Variants in SLC1A1 observed in about 807,000 individuals in gnomAD.
SLC1A1 encodes the protein excitatory amino acid transporter 3.
In SLC1A1, 43 loss-of-function variants were observed where a neutral mutation model predicts 53.3. The ratio of observed to expected loss-of-function variants is 0.81; its 90% CI spans 0.63 to 1.04. The LOEUF is 1.04. Ranked by LOEUF, SLC1A1 falls within the 50% of genes least tolerant of loss-of-function variation. The pLI is 0.00. For missense variants in SLC1A1, 748 were observed against 664.9 expected (o/e 1.12, Z -1.37); for synonymous variants, 307 against 243.2 (o/e 1.26, Z -2.44).
intron 3 of SLC1A1, among the ~76,000 whole-genome samples, chr9:4,562,591 A>C (rs557395289): frequency 6.6e-6 from 1 of 152,270 alleles, no homozygotes; most frequent in South Asian, 2.1e-4. Flanking sequence ...TTTTTGAAGA[A>C]TGCTTGGTCT....
chr9:4,490,898 T>A, intron 1 of SLC1A1, 128 bp downstream of exon 1: 1 of 743,438 alleles, frequency 1.3e-6, no homozygotes, highest in Non-Finnish European at 2.3e-6. Context: ...CCCTCGGCCT[T>A]AGCCTCGGGC....
At position 4,586,861 on chromosome 9, in the gene SLC1A1, G is replaced by A. The variant is rs974508460; in HGVS notation, c.*1303G>A. The A allele has an allele frequency of 5.9e-5, 9 of 152,276 alleles. No individual in the cohort carries two copies. Among genetic ancestry groups the A allele is most frequent in the African/African-American group, 2.2e-4 (9 of 41,436 alleles). 9.4% of individuals were successfully genotyped at this position (152,276 alleles called of 1,614,324 possible). ...TGACTCTTGTCTCCTCCTCCAGGAG[G>A]ACTGTTCTAACTAGTAATCTTGGCC... On this transcript the variant is annotated 3_prime_UTR_variant, in exon 12 of 12. Transcript: ENST00000262352.
At chr9:4,560,659 A>G (rs1348701076) in intron 2 of SLC1A1, among the ~76,000 whole-genome samples, 1 of 152,046 alleles carries the variant, frequency 6.6e-6, no homozygotes, top group Non-Finnish European at 1.5e-5. Context: ...AAAGGCAGAA[A>G]GGAAAACTAT....
intron 1 of SLC1A1, among the ~76,000 whole-genome samples, chr9:4,523,337 T>C (rs915176531): frequency 6.6e-6 from 1 of 150,986 alleles, no homozygotes; most frequent in African/African-American, 2.5e-5. Context: ...TTTCAGAAGA[T>C]ACCAAATGCC....
intron 1 of SLC1A1, among the ~76,000 whole-genome samples, chr9:4,534,790 T>A (rs1816611327): frequency 2.0e-5 from 3 of 152,048 alleles, no homozygotes; most frequent in Non-Finnish European, 4.4e-5. Context: ...CTGATGAACA[T>A]CGATGCAAAA....
intron 1 of SLC1A1, among the ~76,000 whole-genome samples, chr9:4,524,903 C>G (rs1816206141): frequency 6.6e-6 from 1 of 152,032 alleles, no homozygotes; most frequent in Admixed American, 6.6e-5. Flanking sequence ...AAGAATAGCA[C>G]CAAACTATTC....
chr9:4,492,257 A>G (rs113845348), intron 1 of SLC1A1, among the ~76,000 whole-genome samples: 124 of 152,266 alleles, frequency 8.1e-4, no homozygotes, highest in Middle Eastern at 3.4e-3. Context: ...GGCCAAAGAG[A>G]AGAGATGGCC....
At chr9:4,522,524 G>C (rs1816115509) in intron 1 of SLC1A1, among the ~76,000 whole-genome samples, 1 of 152,070 alleles carries the variant, frequency 6.6e-6, no homozygotes, top group African/African-American at 2.4e-5. Context: ...ATTTCACCTG[G>C]TGTACTCTTG....
intron 6 of SLC1A1, among the ~76,000 whole-genome samples, chr9:4,568,371 T>C (rs769531749): frequency 4.6e-4 from 70 of 151,690 alleles, no homozygotes; most frequent in African/African-American, 1.7e-3. Flanking sequence ...TGAGCCATGA[T>C]TGAATCATTG....
chr9:4,543,507 T>C (rs1205434860), intron 1 of SLC1A1, among the ~76,000 whole-genome samples: 1 of 152,220 alleles, frequency 6.6e-6, no homozygotes, highest in Non-Finnish European at 1.5e-5. Context: ...AATTGTGTTA[T>C]CCATACAACT....
intron 1 of SLC1A1, among the ~76,000 whole-genome samples, chr9:4,519,491 T>A (rs1051878948): frequency 6.6e-5 from 10 of 152,234 alleles, no homozygotes; most frequent in African/African-American, 2.4e-4. Flanking sequence ...CTGATCCTGC[T>A]TGGTTTTTAC....
At chr9:4,533,501 C>G (rs1165390993) in intron 1 of SLC1A1, among the ~76,000 whole-genome samples, 7 of 152,126 alleles carry the variant, frequency 4.6e-5, no homozygotes, top group African/African-American at 1.7e-4. Flanking sequence ...ATCAATTCAA[C>G]AAGAAGAGCT....
chr9:4,587,110 G>C lies in SLC1A1; in HGVS notation c.*1552G>C, dbSNP rs1821623225. On this transcript the variant is annotated 3_prime_UTR_variant, in exon 12 of 12. Coordinates refer to ENST00000262352, the MANE Select transcript of SLC1A1 (RefSeq NM_004170.6). The stretch of plus-strand genomic sequence containing the variant: ...CCAAAGATAGCAGAAGAGTAGATAA[G>C]TGCTCAGTATTGACGACCTACATCT... The C allele has an allele frequency of 1.3e-5, 2 of 152,596 alleles. No individual in the cohort carries two copies. Among genetic ancestry groups the C allele is most frequent in the South Asian group, 4.1e-4 (2 of 4,826 alleles). 9.5% of individuals were successfully genotyped at this position (152,596 alleles called of 1,614,324 possible). A position where few individuals can be genotyped will look rare whatever the true frequency, so the allele number is the denominator to read the frequency against.
At chr9:4,544,899 T>A (rs1162178738) in intron 2 of SLC1A1, among the ~76,000 whole-genome samples, 192 bp downstream of exon 2, 2 of 152,062 alleles carry the variant, frequency 1.3e-5, no homozygotes, top group African/African-American at 4.8e-5. Context: ...CTTCACAAGG[T>A]GGCAGGAAGG....
chr9:4,571,357 G>A (rs1482469507), intron 6 of SLC1A1, among the ~76,000 whole-genome samples: 1 of 151,988 alleles, frequency 6.6e-6, no homozygotes, highest in Non-Finnish European at 1.5e-5. Context: ...TGCACCACAT[G>A]TACCCCTGAA....
chr9:4,518,940 C>G (rs1031219313), intron 1 of SLC1A1, among the ~76,000 whole-genome samples: 1 of 152,174 alleles, frequency 6.6e-6, no homozygotes, highest in Non-Finnish European at 1.5e-5. Flanking sequence ...CATCCCAAAG[C>G]TAGAAAATAA....
At chr9:4,515,386 GT>G (rs974237130) in intron 1 of SLC1A1, among the ~76,000 whole-genome samples, 5 of 152,164 alleles carry the variant, frequency 3.3e-5, no homozygotes, top group Non-Finnish European at 7.4e-5. Context: ...AAAGTCTGAG[GT>G]TTTCTGAAGG....
chr9:4,534,478 C>A (rs1212796961), intron 1 of SLC1A1, among the ~76,000 whole-genome samples: 2 of 152,126 alleles, frequency 1.3e-5, no homozygotes, highest in Non-Finnish European at 2.9e-5. Flanking sequence ...TGGATAAATT[C>A]CTGGACACAT....
intron 1 of SLC1A1, among the ~76,000 whole-genome samples, chr9:4,515,717 G>T (rs1224447992): frequency 6.6e-6 from 1 of 152,168 alleles, no homozygotes; most frequent in East Asian, 1.9e-4. Flanking sequence ...ACTTCTCTGG[G>T]ATTCAGTATT....
Sources: gnomAD v4.1 joint callset for allele counts (sites outside exome capture counted in the v4.1 genomes callset) on GRCh38, gnomAD v4.1.1 for gene constraint, MANE v1.5 for transcripts, NCBI Gene and HGNC (gene_info 2026-07-23, HGNC 2026-07-21) for gene names.